Variants in PRKAG2 observed in about 807,000 individuals in gnomAD.
The protein encoded by PRKAG2 is protein kinase AMP-activated non-catalytic subunit gamma 2.
PRKAG2 carries 26 observed loss-of-function variants against 69.6 expected under a neutral mutation model. The ratio of observed to expected loss-of-function variants is 0.37; its 90% confidence interval spans 0.27 to 0.52. The LOEUF is 0.52. PRKAG2 is among the 20% of genes least tolerant of loss of function. The pLI is 0.90. For synonymous variants in PRKAG2, 293 were observed against 285.0 expected (o/e 1.03, Z -0.28); for missense variants, 557 against 740.0 (o/e 0.75, Z 2.87).
intron 5 of PRKAG2, 82 bp from the exon 6 acceptor site, chr7:151,595,536 T>A: frequency 1.1e-6 from 1 of 936,364 alleles, no homozygotes; most frequent in Non-Finnish European, 1.7e-6. Context: ...AACCTATCAC[T>A]AACAGACTTA....
chr7:151,793,309 C>G (rs1455430408), intron 1 of PRKAG2, among the ~76,000 whole-genome samples: 1 of 152,230 alleles, frequency 6.6e-6, no homozygotes, highest in African/African-American at 2.4e-5. Context: ...GCTTCCTCTG[C>G]CTTCACAACG....
At chr7:151,574,786 G>GA (rs1808494449) in intron 8 of PRKAG2, 105 bp downstream of exon 8, 6 of 1,528,442 alleles carry the variant, frequency 3.9e-6, no homozygotes, top group African/African-American at 1.4e-5. Context: ...TACCAAAAAA[G>GA]AAAAAACTGA....
At chr7:151,755,859 C>G (rs2075047136) in intron 3 of PRKAG2, among the ~76,000 whole-genome samples, 1 of 152,198 alleles carries the variant, frequency 6.6e-6, no homozygotes, top group African/African-American at 2.4e-5. Flanking sequence ...CAGTTTCACC[C>G]CGGTGCCTAA....
chr7:151,803,633 C>A (rs567020183), intron 1 of PRKAG2, among the ~76,000 whole-genome samples: 1 of 152,138 alleles, frequency 6.6e-6, no homozygotes, highest in East Asian at 1.9e-4. Context: ...ACGTATTACC[C>A]ATTTGCTATT....
chr7:151,822,202 G>A (rs1430291764), intron 1 of PRKAG2, among the ~76,000 whole-genome samples: 1 of 152,198 alleles, frequency 6.6e-6, no homozygotes, highest in Non-Finnish European at 1.5e-5. Context: ...GTGGGATGAT[G>A]TTCTGGCCAG....
At chr7:151,797,116 G>A (rs1348045032) in intron 1 of PRKAG2, among the ~76,000 whole-genome samples, 2 of 152,070 alleles carry the variant, frequency 1.3e-5, no homozygotes, top group Non-Finnish European at 2.9e-5. Flanking sequence ...CTTCAGAGAG[G>A]AAAAAACCAG....
At chr7:151,726,943 C>T (rs781671081) in intron 3 of PRKAG2, among the ~76,000 whole-genome samples, 23 of 152,112 alleles carry the variant, frequency 1.5e-4, no homozygotes, top group African/African-American at 2.7e-4. Context: ...TGGCTGGGCG[C>T]GGTGGCTCAC....
At chr7:151,565,629 T>A (rs1399507179) in intron 12 of PRKAG2, 91 bp downstream of exon 12, 1 of 1,517,776 alleles carries the variant, frequency 6.6e-7, no homozygotes, top group Admixed American at 1.7e-5. Context: ...GTTTTCATTT[T>A]CCCCACGTAT....
chr7:151,693,063 G>T (rs1835954032), intron 3 of PRKAG2, among the ~76,000 whole-genome samples: 1 of 152,204 alleles, frequency 6.6e-6, no homozygotes, highest in Non-Finnish European at 1.5e-5. Context: ...CAGAAAGGGA[G>T]ATCCCACTCC....
rs928092684 is a variant in PRKAG2, at chr7:151,850,909, G to A, written c.114+25598C>T. 4.5e-4 allele frequency among the ~76,000 whole-genome samples: 68 copies of A among 152,274 alleles called. No homozygotes were observed. Among genetic ancestry groups the A allele is most frequent in the African/African-American group, 1.6e-3 (67 of 41,562 alleles). On this transcript the variant is annotated intron_variant, in intron 1 of 15. Transcript: ENST00000287878. The surrounding 1 kb of genome is among the most constrained non-coding windows in gnomAD (Gnocchi z 4.1). ...CGGAATAAGAAGTCCTCGATGAGCC[G>A]CCGCAATGTGACCTTAGGCCAGTCA...
In PRKAG2 at chr7:151,850,941, C is replaced by T. The variant is rs995058074; in HGVS notation, c.114+25566G>A. On this transcript the variant is annotated intron_variant, in intron 1 of 15. Coordinates refer to ENST00000287878, the MANE Select transcript of PRKAG2 (RefSeq NM_016203.4). This position sits in a 1 kb window ranked among gnomAD's most constrained non-coding sequence, Gnocchi z 4.1. ...TGTGACCTTAGGCCAGTCACTTGAG[C>T]TCCAAGGCACGGCCCACAGGGGTAC... Among the ~76,000 whole-genome samples, 1 of 152,186 alleles carries T rather than the reference C, an allele frequency of 6.6e-6. No individual in the cohort carries two copies. Among genetic ancestry groups the T allele is most frequent in the African/African-American group, 2.4e-5 (1 of 41,448 alleles).
chr7:151,614,047 C>T lies in PRKAG2; in HGVS notation c.754+18022G>A, dbSNP rs1054786706. The stretch of plus-strand genomic sequence containing the variant: ...CGAACTTCTGACCTCAGGTGATCCA[C>T]CTTACCTCCAACTCAGACACCCCCG... On this transcript the variant is annotated intron_variant, in intron 5 of 15. Coordinates refer to ENST00000287878, the MANE Select transcript of PRKAG2 (RefSeq NM_016203.4). This position sits in a 1 kb window ranked among gnomAD's most constrained non-coding sequence, Gnocchi z 4.4. Among the ~76,000 whole-genome samples, 8 of 152,168 alleles carry T rather than the reference C, an allele frequency of 5.3e-5. No homozygotes were observed. Among genetic ancestry groups the T allele is most frequent in the African/African-American group, 1.9e-4 (8 of 41,436 alleles).
chr7:151,876,386 G>A, intron 1 of PRKAG2, 121 bp downstream of exon 1: 3 of 994,834 alleles, frequency 3.0e-6, no homozygotes, highest in Admixed American at 1.8e-5. Flanking sequence ...TCCCCAAGCC[G>A]CCCGAAGTGA....
rs1349620580 is a variant in PRKAG2, at chr7:151,572,728, T to C, written c.1006-19A>G. 1 of 1,478,564 alleles carries C rather than the reference T, an allele frequency of 6.8e-7. No homozygotes were observed. The highest frequency in any genetic ancestry group is 9.3e-7 in the Non-Finnish European group (1 of 1,069,746). The allele number at this position is 1,478,564 out of a possible 1,614,324, so 91.6% of individuals were successfully genotyped here. ...TCTGTACCTGCAAATAAAAAAATTC[T>C]TATTTATAAATATACATATACAACA... On this transcript the variant is annotated intron_variant, in intron 8 of 15. Coordinates refer to ENST00000287878, the MANE Select transcript of PRKAG2 (RefSeq NM_016203.4).
At chr7:151,841,704 T>TA (rs2079294739) in intron 1 of PRKAG2, among the ~76,000 whole-genome samples, 4 of 66,650 alleles carry the variant, frequency 6.0e-5, no homozygotes, top group Admixed American at 1.6e-4. Context: ...TGATGGTAGG[T>TA]GGGGATGGTA....
At chr7:151,703,955 AGGC>A (rs1230118068) in intron 3 of PRKAG2, among the ~76,000 whole-genome samples, 1 of 150,706 alleles carries the variant, frequency 6.6e-6, no homozygotes, top group Non-Finnish European at 1.5e-5. Flanking sequence ...CCAGCTACTC[AGGC>A]GGCTGAGGCA....
At chr7:151,690,859 C>G (rs116218852) in intron 3 of PRKAG2, among the ~76,000 whole-genome samples, 3 of 152,308 alleles carry the variant, frequency 2.0e-5, no homozygotes, top group Admixed American at 1.3e-4. Context: ...TCCTGATGCA[C>G]CTCGGGTCTT....
At chr7:151,848,565 C>A (rs1289817001) in intron 1 of PRKAG2, among the ~76,000 whole-genome samples, 1 of 111,600 alleles carries the variant, frequency 9.0e-6, no homozygotes, top group African/African-American at 3.5e-5. Context: ...GCTCTTGTTG[C>A]CCAGGCTGGA....
chr7:151,579,740 G>A (rs1809884490), intron 6 of PRKAG2, among the ~76,000 whole-genome samples: 1 of 151,922 alleles, frequency 6.6e-6, no homozygotes, highest in Non-Finnish European at 1.5e-5. Context: ...TAAACACAAA[G>A]AAAACCACAC....
Sources: allele counts gnomAD v4.1 joint callset (sites outside exome capture counted in the v4.1 genomes callset), GRCh38; gene constraint gnomAD v4.1.1; non-coding constraint Gnocchi (gnomAD v3.1); transcripts MANE v1.5; gene names NCBI Gene and HGNC (gene_info 2026-07-23, HGNC 2026-07-21).